TDRP: variants seen among roughly 807,000 people sequenced by gnomAD.
The protein encoded by TDRP is testis development related protein.
In TDRP, 12 loss-of-function variants were observed where a neutral mutation model predicts 10.5. That is an observed-to-expected ratio of 1.15 (90% confidence interval 0.73 to 1.86). The LOEUF (loss-of-function observed/expected upper bound fraction) is 1.86, where lower values mean the gene tolerates loss of function less well. Among genes scored for constraint, TDRP ranks in the 40% most tolerant of loss-of-function variants. The pLI, the probability that TDRP is intolerant of heterozygous loss-of-function variation, is 0.00. For synonymous variants in TDRP, 139 were observed against 95.4 expected (o/e 1.46, Z -2.67); for missense variants, 353 against 229.2 (o/e 1.54, Z -3.49).
intron 1 of TDRP, among the ~76,000 whole-genome samples, chr8:538,006 A>G (rs1438317135): frequency 1.3e-5 from 2 of 152,210 alleles, no homozygotes; most frequent in Non-Finnish European, 2.9e-5. Flanking sequence ...GGTTGGGAAG[A>G]GGTTTTGTTT....
Position 494,495 on chromosome 8 carries a change from C to T in TDRP, c.211G>A (p.Gly71Arg), listed in dbSNP as rs189188718. ...TTTTCTTACACAGTTATGACTTACC[C>T]TTTGGACTTGGGAGATTTACATCTT... ...LERCKSPKSK[G>R]TNLRLKEELK... Residue 71 changes from glycine (G) to arginine (R), a missense_variant and splice_region_variant, in exon 2 of 3, where the codon GGA (glycine) becomes AGA (arginine). Transcript: ENST00000324079. 2.5e-6 allele frequency: 4 copies of T among 1,613,538 alleles called. No individual in the cohort carries two copies. The highest frequency in any genetic ancestry group is 1.3e-5 in the African/African-American group (1 of 75,036).
intron 1 of TDRP, among the ~76,000 whole-genome samples, chr8:512,397 C>A (rs928434250): frequency 6.6e-6 from 1 of 152,110 alleles, no homozygotes; most frequent in African/African-American, 2.4e-5. Flanking sequence ...CGTGCTGCTG[C>A]ACTCCAGCCT....
At chr8:507,911 A>C (rs1801509030) in intron 1 of TDRP, among the ~76,000 whole-genome samples, 1 of 152,206 alleles carries the variant, frequency 6.6e-6, no homozygotes, top group South Asian at 2.1e-4. Context: ...ATTTAACTTA[A>C]AGTTAAAAAA....
chr8:543,234 C>A (rs12543588), intron 1 of TDRP, among the ~76,000 whole-genome samples: 38,546 of 151,962 alleles, frequency 0.25, 5,298 homozygotes, highest in East Asian at 0.45. Context: ...ATAGCTTGAG[C>A]CCAGGCAGGT....
chr8:529,433 T>C (rs902314485), intron 1 of TDRP, among the ~76,000 whole-genome samples: 3 of 152,230 alleles, frequency 2.0e-5, no homozygotes, highest in Non-Finnish European at 4.4e-5. Flanking sequence ...TATAGGATTC[T>C]GTTTTTGTCC....
rs1800940445 is a variant in TDRP, at chr8:490,558, G to A, written c.*1841C>T. On this transcript the variant is annotated 3_prime_UTR_variant, in exon 3 of 3. Coordinates refer to ENST00000324079, the MANE Select transcript of TDRP (RefSeq NM_001384899.1). Reference sequence around the variant, plus strand: ...CAGTGTTTACATTCCTGCGCAGCAAGACCATGTTAGCCAAAAACAAACCTA... The same window carrying A: ...CAGTGTTTACATTCCTGCGCAGCAAAACCATGTTAGCCAAAAACAAACCTA... 6.6e-6 allele frequency: 1 copy of A among 152,200 alleles called. No individual in the cohort carries two copies. Among genetic ancestry groups the A allele is most frequent in the South Asian group, 2.1e-4 (1 of 4,832 alleles). The allele number at this position is 152,200 out of a possible 1,614,324, so 9.4% of individuals were successfully genotyped here.
At chr8:514,861 C>T (rs1448812265) in intron 1 of TDRP, among the ~76,000 whole-genome samples, 1 of 152,146 alleles carries the variant, frequency 6.6e-6, no homozygotes. Flanking sequence ...ATGGCACCAA[C>T]AGGCAGGAGA....
intron 1 of TDRP, among the ~76,000 whole-genome samples, chr8:543,533 GTAAC>G (rs1431462457): frequency 6.6e-6 from 1 of 150,570 alleles, no homozygotes; most frequent in Non-Finnish European, 1.5e-5. Context: ...GCTGTTTAGA[GTAAC>G]TATAACATTC....
intron 1 of TDRP, among the ~76,000 whole-genome samples, chr8:526,199 G>C (rs953055238): frequency 2.6e-4 from 39 of 151,996 alleles, no homozygotes; most frequent in African/African-American, 8.7e-4. Context: ...GGTTTCGCTA[G>C]GTTGGCCAGG....
chr8:493,070 CT>C (rs1399483472), intron 2 of TDRP, among the ~76,000 whole-genome samples: 1 of 152,120 alleles, frequency 6.6e-6, no homozygotes, highest in African/African-American at 2.4e-5. Context: ...CAAATCAGAT[CT>C]ATGAGAATCC....
chr8:530,426 T>C (rs1275666135), intron 1 of TDRP, among the ~76,000 whole-genome samples: 1 of 152,170 alleles, frequency 6.6e-6, no homozygotes, highest in African/African-American at 2.4e-5. Context: ...TGTCTCATTA[T>C]TTTTTTGCTG....
Position 537,060 on chromosome 8 carries a change from T to C in TDRP, c.108+7590A>G, listed in dbSNP as rs2075141435. Among the ~76,000 whole-genome samples the C allele has an allele frequency of 2.6e-5, 4 of 152,138 alleles. No individual in the cohort carries two copies. In the South Asian group the frequency reaches 8.3e-4, roughly 32 times the overall value. On this transcript the variant is annotated intron_variant, in intron 1 of 2. Coordinates refer to ENST00000324079, the MANE Select transcript of TDRP (RefSeq NM_001384899.1). ...AGGCTGGAGAACTCCTGCTCCCCGC[T>C]CCAGACTCCAGAGTTCCCACCCTGA...
intron 1 of TDRP, among the ~76,000 whole-genome samples, chr8:522,908 A>G (rs918365624): frequency 1.3e-5 from 2 of 152,310 alleles, no homozygotes; most frequent in Non-Finnish European, 2.9e-5. Flanking sequence ...GCTTACGTGT[A>G]TCCTTATATC....
In TDRP at chr8:491,642, T is replaced by G; in HGVS notation, c.*757A>C. ...ATGTTTCCTAAATGAAATTATCAAC[T>G]GACTAAAATTGATCCATACTTCTTT... On this transcript the variant is annotated 3_prime_UTR_variant, in exon 3 of 3. Transcript: ENST00000324079. 4 of 1,531,324 alleles carry G rather than the reference T, an allele frequency of 2.6e-6. No individual in the cohort carries two copies. In the South Asian group the frequency reaches 3.6e-5, roughly 14 times the overall value. 94.9% of individuals were successfully genotyped at this position (1,531,324 alleles called of 1,614,324 possible). A position where few individuals can be genotyped will look rare whatever the true frequency, so the allele number is the denominator to read the frequency against.
chr8:531,569 C>T (rs1306791912), intron 1 of TDRP, among the ~76,000 whole-genome samples: 1 of 152,200 alleles, frequency 6.6e-6, no homozygotes, highest in African/African-American at 2.4e-5. Context: ...CATACGGACA[C>T]TTTTTATCTA....
At chr8:498,982 G>A (rs28434525) in intron 1 of TDRP, among the ~76,000 whole-genome samples, 48,106 of 151,880 alleles carry the variant, frequency 0.32, 8,578 homozygotes, top group African/African-American at 0.48. Context: ...CAGCCACATG[G>A]AACTGTGAGT....
intron 1 of TDRP, among the ~76,000 whole-genome samples, chr8:512,029 G>C (rs914652752): frequency 4.0e-5 from 6 of 151,780 alleles, no homozygotes; most frequent in East Asian, 1.9e-4. Flanking sequence ...TAAACCTAAA[G>C]GAAGCAAAAG....
intron 1 of TDRP, among the ~76,000 whole-genome samples, chr8:523,865 G>A (rs1026490526): frequency 6.6e-6 from 1 of 152,200 alleles, no homozygotes; most frequent in Non-Finnish European, 1.5e-5. Context: ...CCAGGGACCA[G>A]GGGGAACTCA....
chr8:539,834 G>A (rs549494117), intron 1 of TDRP, among the ~76,000 whole-genome samples: 1 of 152,274 alleles, frequency 6.6e-6, no homozygotes. Flanking sequence ...GTGTGACTTT[G>A]TGTCATCTAA....
Sources: allele counts gnomAD v4.1 joint callset (sites outside exome capture counted in the v4.1 genomes callset), GRCh38; gene constraint gnomAD v4.1.1; transcripts MANE v1.5; gene names NCBI Gene and HGNC (gene_info 2026-07-23, HGNC 2026-07-21).